HERC1: variants seen among roughly 807,000 people sequenced by gnomAD.
The protein encoded by HERC1 is probable E3 ubiquitin-protein ligase HERC1.
A neutral mutation model predicts 554.3 loss-of-function variants in HERC1; 160 were observed. The observed-to-expected ratio is 0.29, with a 90% CI of 0.25 to 0.33. The LOEUF is 0.33. Ranked by LOEUF, HERC1 falls within the 10% of genes least tolerant of loss-of-function variation. HERC1 has a pLI of 1.00. For synonymous variants in HERC1, 2,175 were observed against 2,131.7 expected, an observed-to-expected ratio of 1.02 and a Z score of -0.56; for missense variants, 4,919 against 5,918.5, an observed-to-expected ratio of 0.83 and a Z score of 5.54.
Position 63,727,878 on chromosome 15 carries a change from A to C in HERC1, c.3155-40T>G. ...AAATTAAACATGGGACAATTGCTTC[A>C]AATGAACTTTAAAAAAAGGAACCTA... On this transcript the variant is annotated intron_variant, in intron 16 of 77. Coordinates refer to ENST00000443617, the MANE Select transcript of HERC1 (RefSeq NM_003922.4). This position sits in a 1 kb window ranked among gnomAD's most constrained non-coding sequence, Gnocchi z 4.3. The C allele has an allele frequency of 6.6e-7, 1 of 1,517,294 alleles. No homozygotes were observed. 94.0% of individuals were successfully genotyped at this position (1,517,294 alleles called of 1,614,324 possible). A position where few individuals can be genotyped will look rare whatever the true frequency, so the allele number is the denominator to read the frequency against.
intron 12 of HERC1, among the ~76,000 whole-genome samples, chr15:63,741,837 C>A (rs1422546620): frequency 6.6e-6 from 1 of 152,146 alleles, no homozygotes; most frequent in African/African-American, 2.4e-5. Context: ...TTCCATTGAT[C>A]TATATATTTA....
intron 25 of HERC1, among the ~76,000 whole-genome samples, chr15:63,699,992 T>C (rs1226229840): frequency 1.3e-5 from 2 of 152,120 alleles, no homozygotes; most frequent in African/African-American, 4.8e-5. Flanking sequence ...ATAATAAATA[T>C]CTGTGAACAC....
chr15:63,680,300 C>G lies in HERC1; in HGVS notation c.6466-140G>C, dbSNP rs1595957837. On this transcript the variant is annotated intron_variant, in intron 35 of 77. Transcript: ENST00000443617. The surrounding 1 kb of genome is among the most constrained non-coding windows in gnomAD (Gnocchi z 5.8). ...TCAAATTCTCAATTAACCTTGCTAACCGAGAAAATTCTACATATAATAAGT... is the reference window on the plus strand; with the variant it reads ...TCAAATTCTCAATTAACCTTGCTAAGCGAGAAAATTCTACATATAATAAGT... 1 of 757,096 alleles carries G rather than the reference C, an allele frequency of 1.3e-6. No individual in the cohort carries two copies. 46.9% of individuals were successfully genotyped at this position (757,096 alleles called of 1,614,324 possible). A position where few individuals can be genotyped will look rare whatever the true frequency, so the allele number is the denominator to read the frequency against.
intron 1 of HERC1, among the ~76,000 whole-genome samples, chr15:63,802,115 C>T (rs1596291526): frequency 1.3e-5 from 2 of 152,010 alleles, no homozygotes; most frequent in South Asian, 4.2e-4. Flanking sequence ...TTGCAAAGTT[C>T]TATAACTGAA....
intron 1 of HERC1, among the ~76,000 whole-genome samples, chr15:63,825,747 C>T (rs76143796): frequency 3.3e-5 from 5 of 151,114 alleles, no homozygotes; most frequent in African/African-American, 4.9e-5. Context: ...TAGAAAACCA[C>T]GAAAAAAAAG....
At chr15:63,671,489 T>C (rs931503583) in intron 39 of HERC1, among the ~76,000 whole-genome samples, 1 of 152,064 alleles carries the variant, frequency 6.6e-6, no homozygotes, top group Non-Finnish European at 1.5e-5. Flanking sequence ...AGCTAACATG[T>C]AGGAGATATG....
intron 1 of HERC1, among the ~76,000 whole-genome samples, chr15:63,789,484 C>T (rs954806132): frequency 9.9e-5 from 15 of 152,030 alleles, no homozygotes; most frequent in African/African-American, 1.4e-4. Flanking sequence ...AGAGTGCCCA[C>T]TTGTCACCAC....
At chr15:63,642,236 G>A (rs2069102397) in intron 59 of HERC1, among the ~76,000 whole-genome samples, 1 of 152,208 alleles carries the variant, frequency 6.6e-6, no homozygotes, top group Admixed American at 6.5e-5. Context: ...CAGGGGACCA[G>A]CAGTTTTACT....
At chr15:63,801,217 G>A (rs546890631) in intron 1 of HERC1, among the ~76,000 whole-genome samples, 4 of 152,208 alleles carry the variant, frequency 2.6e-5, no homozygotes, top group African/African-American at 7.2e-5. Context: ...GATATTTCCC[G>A]TGTTCTGTGA....
In HERC1 at chr15:63,655,921, G is replaced by A. The variant is rs746849763; in HGVS notation, c.9905C>T (p.Thr3302Ile). 3.1e-6 allele frequency: 5 copies of A among 1,612,946 alleles called. No individual in the cohort carries two copies. The highest frequency in any genetic ancestry group is 1.3e-5 in the African/African-American group (1 of 74,922). ...TCGCTGAATTGAGTCATCAACTGTG[G>A]TTAGATTTACACCTGTTGCAGCAGA... ...LISAATGVNL[T>I]TVDDSIQRKF... The change falls in exon 50 of 78, where the codon ACC becomes ATC. Residue 3302 changes from threonine to isoleucine, a missense_variant. By Grantham distance (89) the Thr-to-Ile change is moderately conservative. Coordinates refer to ENST00000443617, the MANE Select transcript of HERC1 (RefSeq NM_003922.4).
At chr15:63,664,408 C>T in intron 43 of HERC1, 62 bp downstream of exon 43, 1 of 1,504,208 alleles carries the variant, frequency 6.6e-7, no homozygotes, top group Non-Finnish European at 9.1e-7. Context: ...CTTTAATGTG[C>T]CTTTACATTG....
intron 59 of HERC1, among the ~76,000 whole-genome samples, chr15:63,642,544 G>A (rs2069121337): frequency 6.6e-6 from 1 of 152,090 alleles, no homozygotes; most frequent in African/African-American, 2.4e-5. Context: ...CACCATGTTG[G>A]CCAAGCTGGT....
chr15:63,817,324 G>T (rs2077525428), intron 1 of HERC1, among the ~76,000 whole-genome samples: 1 of 152,018 alleles, frequency 6.6e-6, no homozygotes, highest in Non-Finnish European at 1.5e-5. Context: ...ATGTTATTAT[G>T]GTTATGCTAT....
chr15:63,741,589 G>C (rs1438511106), intron 12 of HERC1, among the ~76,000 whole-genome samples: 1 of 152,194 alleles, frequency 6.6e-6, no homozygotes, highest in Non-Finnish European at 1.5e-5. Context: ...TTACAGGCGT[G>C]CGCCTGGCCC....
chr15:63,645,805 T>G, intron 55 of HERC1, 123 bp from the exon 56 acceptor site: 1 of 638,428 alleles, frequency 1.6e-6, no homozygotes, highest in South Asian at 2.4e-5. Context: ...TATTTTGAAA[T>G]CAATATTTTA....
rs568377485 is a variant in HERC1 at position 63,762,691 on chromosome 15, T to C, written c.1026+1405A>G. Among the ~76,000 whole-genome samples the C allele has an allele frequency of 9.9e-5, 15 of 152,260 alleles. No individual in the cohort carries two copies. In the South Asian group the frequency reaches 1.4e-3, roughly 15 times the overall value. The stretch of plus-strand genomic sequence containing the variant: ...GATGGTAGGAAGACAATTCATTAAA[T>C]TGAAAACTGGTAAATAAAGAGCAGA... On this transcript the variant is annotated intron_variant, in intron 3 of 77. Coordinates refer to ENST00000443617, the MANE Select transcript of HERC1 (RefSeq NM_003922.4).
intron 12 of HERC1, among the ~76,000 whole-genome samples, chr15:63,738,423 A>G (rs558955613): frequency 1.9e-4 from 29 of 152,320 alleles, no homozygotes; most frequent in Admixed American, 3.9e-4. Flanking sequence ...TATTAAACCA[A>G]TACTAATTTA....
At chr15:63,704,212 C>A (rs1356119882) in intron 25 of HERC1, among the ~76,000 whole-genome samples, 1 of 152,186 alleles carries the variant, frequency 6.6e-6, no homozygotes, top group Non-Finnish European at 1.5e-5. Flanking sequence ...TTTGTAAAAT[C>A]TCTTTGAAAA....
chr15:63,683,376 G>A (rs1455975360), intron 34 of HERC1, among the ~76,000 whole-genome samples: 5 of 152,160 alleles, frequency 3.3e-5, no homozygotes, highest in Non-Finnish European at 5.9e-5. Flanking sequence ...TCCTATTGGA[G>A]TCTCTGGGAA....
Sources: gnomAD v4.1 joint callset for allele counts (sites outside exome capture counted in the v4.1 genomes callset) on GRCh38, gnomAD v4.1.1 for gene constraint, Gnocchi (gnomAD v3.1) non-coding constraint, MANE v1.5 for transcripts, NCBI Gene and HGNC (gene_info 2026-07-23, HGNC 2026-07-21) for gene names.